Variants in NCLN observed in about 807,000 individuals in gnomAD.
The protein encoded by NCLN is BOS complex subunit NCLN.
Under a neutral mutation model 69.5 loss-of-function variants are expected in NCLN, and 34 were observed. The ratio of observed to expected loss-of-function variants is 0.49; its 90% CI spans 0.37 to 0.65. NCLN has a LOEUF of 0.65. Among genes scored for constraint, NCLN ranks in the 30% least tolerant of loss-of-function variants. The probability of loss-of-function intolerance (pLI) is 0.00; values close to 1 mark genes in which losing one functional copy is unlikely to be tolerated. For missense variants in NCLN, 710 were observed against 804.8 expected (o/e 0.88, Z 1.42); for synonymous variants, 393 against 358.3 (o/e 1.10, Z -1.09).
Position 3,205,815 on chromosome 19 carries a change from T to G in NCLN, c.1209-124T>G. 1.1e-6 allele frequency: 1 copy of G among 906,390 alleles called. No individual in the cohort carries two copies. Among genetic ancestry groups the G allele is most frequent in the Non-Finnish European group, 1.7e-6 (1 of 583,718 alleles). The allele number at this position is 906,390 out of a possible 1,614,324, so 56.1% of individuals were successfully genotyped here. ...CAAGTAGTTAAAGCTAAGCTTAATT[T>G]TTTTTTTTTTTTAAAGACAGAGTCT... On this transcript the variant is annotated intron_variant, in intron 9 of 14. Transcript: ENST00000246117. The surrounding 1 kb of genome is among the most constrained non-coding windows in gnomAD (Gnocchi z 4.6).
Position 3,205,676 on chromosome 19 carries a change from G to A in NCLN, c.1209-263G>A, listed in dbSNP as rs56661554. ...TTAAATTCTGGAAGAGCAGAAAACC[G>A]AGTCAGAAGGAACCAAGGCCTCAGG... On this transcript the variant is annotated intron_variant, in intron 9 of 14. Coordinates refer to ENST00000246117, the MANE Select transcript of NCLN (RefSeq NM_020170.4). This position sits in a 1 kb window ranked among gnomAD's most constrained non-coding sequence, Gnocchi z 4.6. Among the ~76,000 whole-genome samples the A allele has an allele frequency of 9.8e-5, 15 of 152,342 alleles. No homozygotes were observed. The highest frequency in any genetic ancestry group is 1.9e-4 in the East Asian group (1 of 5,188).
At chr19:3,201,463 G>T in intron 5 of NCLN, 60 bp from the exon 6 acceptor site, 1 of 1,263,498 alleles carries the variant, frequency 7.9e-7, no homozygotes, top group Non-Finnish European at 1.1e-6. Context: ...GTGGGCGGAG[G>T]TCATGGGGTG....
rs955488584 is a variant in NCLN, at chr19:3,207,172, C to T, written c.1500-26C>T. On this transcript the variant is annotated intron_variant, in intron 12 of 14. Coordinates refer to ENST00000246117, the MANE Select transcript of NCLN (RefSeq NM_020170.4). Reference sequence around the variant, plus strand: ...AAGAATTAGCTGGGCGCAGTGGTGCCCCCTGAGAAAGTGCTCTCTCCCCAG... The same window carrying T: ...AAGAATTAGCTGGGCGCAGTGGTGCTCCCTGAGAAAGTGCTCTCTCCCCAG... 6 of 1,612,754 alleles carry T rather than the reference C, an allele frequency of 3.7e-6. No individual in the cohort carries two copies. In the African/African-American group the frequency reaches 6.7e-5, roughly 18 times the overall value.
intron 1 of NCLN, among the ~76,000 whole-genome samples, chr19:3,191,011 GGCGGGCAGCAGGGAGA>G (rs1405435457): frequency 9.6e-5 from 14 of 145,974 alleles, no homozygotes; most frequent in African/African-American, 3.3e-4. Context: ...CGCGGTGTGT[GGCGGGCAGCAGGGAGA>G]TCGTCGTGGT....
At chr19:3,196,756 A>G (rs1915969918) in intron 4 of NCLN, among the ~76,000 whole-genome samples, 1 of 152,232 alleles carries the variant, frequency 6.6e-6, no homozygotes, top group Non-Finnish European at 1.5e-5. Context: ...AGCCTCTCGG[A>G]TCATCAGGGC....
chr19:3,201,448 C>T, intron 5 of NCLN, 75 bp from the exon 6 acceptor site: 2 of 1,042,880 alleles, frequency 1.9e-6, no homozygotes, highest in South Asian at 2.9e-5. Flanking sequence ...ATGACTGTGG[C>T]TGCTGTGGGC....
At chr19:3,194,738 C>T (rs911811974) in intron 3 of NCLN, among the ~76,000 whole-genome samples, 3 of 140,444 alleles carry the variant, frequency 2.1e-5, no homozygotes, top group African/African-American at 5.3e-5. Context: ...AAAGAGGAGT[C>T]GTCTTCTTTT....
At chr19:3,186,515 C>T (rs1325635954) in intron 1 of NCLN, among the ~76,000 whole-genome samples, 3 of 152,206 alleles carry the variant, frequency 2.0e-5, no homozygotes, top group African/African-American at 4.8e-5. Context: ...CCTAAGTCCC[C>T]TCTCTCCTGT....
At chr19:3,201,690 AC>A in intron 6 of NCLN, 64 bp downstream of exon 6, 1 of 1,299,866 alleles carries the variant, frequency 7.7e-7, no homozygotes. Context: ...AGCGCTGCCC[AC>A]CAGGCACCTC....
chr19:3,208,640 G>A lies in NCLN; in HGVS notation c.*952G>A, dbSNP rs374992622. ...TGGTCCTCCCTGGGGAACTGGGTGC[G>A]GGTGGAGTACTGGGAGGCAGGAGGT... On this transcript the variant is annotated 3_prime_UTR_variant, in exon 15 of 15. Coordinates refer to ENST00000246117, the MANE Select transcript of NCLN (RefSeq NM_020170.4). The A allele has an allele frequency of 4.6e-5, 7 of 152,502 alleles. No homozygotes were observed. The highest frequency in any genetic ancestry group is 2.6e-4 in the Admixed American group (4 of 15,296). 9.4% of individuals were successfully genotyped at this position (152,502 alleles called of 1,614,324 possible).
At chr19:3,206,849 T>G (rs1350493621) in intron 12 of NCLN, among the ~76,000 whole-genome samples, 1 of 151,970 alleles carries the variant, frequency 6.6e-6, no homozygotes, top group African/African-American at 2.4e-5. Context: ...TGAGATGGAG[T>G]CTTCCTCTGT....
In NCLN at chr19:3,205,836, A is replaced by G; in HGVS notation, c.1209-103A>G. 1 of 948,420 alleles carries G rather than the reference A, an allele frequency of 1.1e-6. No homozygotes were observed. Among genetic ancestry groups the G allele is most frequent in the Non-Finnish European group, 1.6e-6 (1 of 611,312 alleles). 58.8% of individuals were successfully genotyped at this position (948,420 alleles called of 1,614,324 possible). ...AATTTTTTTTTTTTTTTAAAGACAG[A>G]GTCTCACGGTCTCCTAGGCTGGAGT... On this transcript the variant is annotated intron_variant, in intron 9 of 14. Coordinates refer to ENST00000246117, the MANE Select transcript of NCLN (RefSeq NM_020170.4). This position sits in a 1 kb window ranked among gnomAD's most constrained non-coding sequence, Gnocchi z 4.6.
intron 5 of NCLN, among the ~76,000 whole-genome samples, chr19:3,200,333 A>C: frequency 1.2e-5 from 1 of 82,694 alleles, no homozygotes. Flanking sequence ...TTTTTTTGAG[A>C]CGGAGTCTCG....
At chr19:3,189,457 G>A (rs553627546) in intron 1 of NCLN, among the ~76,000 whole-genome samples, 3 of 152,358 alleles carry the variant, frequency 2.0e-5, no homozygotes, top group Non-Finnish European at 4.4e-5. Context: ...CTTCCACGCA[G>A]AAACAGCTGA....
chr19:3,202,797 T>C (rs1404640177), intron 6 of NCLN, among the ~76,000 whole-genome samples: 1 of 152,024 alleles, frequency 6.6e-6, no homozygotes, highest in Non-Finnish European at 1.5e-5. Flanking sequence ...AGCCCCCCAC[T>C]GATGCCTTTT....
chr19:3,204,794 T>C (rs750573000), intron 9 of NCLN, 43 bp downstream of exon 9: 1 of 1,393,198 alleles, frequency 7.2e-7, no homozygotes, highest in Non-Finnish European at 9.3e-7. Flanking sequence ...AGGGCTTTCC[T>C]GGGGGCTGAG....
chr19:3,207,035 G>C (rs530728656), intron 12 of NCLN, among the ~76,000 whole-genome samples, 163 bp from the exon 13 acceptor site: 12 of 152,106 alleles, frequency 7.9e-5, no homozygotes, highest in Admixed American at 7.2e-4. Context: ...TGTTGGCCAG[G>C]TTGGTCTTGA....
intron 14 of NCLN, 51 bp from the exon 15 acceptor site, chr19:3,207,578 C>G (rs764462494): frequency 1.2e-6 from 2 of 1,609,954 alleles, no homozygotes; most frequent in African/African-American, 1.3e-5. Context: ...GTCACATGAC[C>G]TGGGGCTCTG....
At position 3,193,576 on chromosome 19, in the gene NCLN, G is replaced by A. The variant is rs950512479; in HGVS notation, c.520+148G>A. ...TTAACAGTGGGGGTTCCTGGGCCCC[G>A]TGTGGACCTGCTACATCACCACCTC... is the stretch of plus-strand genomic sequence containing the variant. On this transcript the variant is annotated intron_variant, in intron 3 of 14. Coordinates refer to ENST00000246117, the MANE Select transcript of NCLN (RefSeq NM_020170.4). 221 of 969,032 alleles carry A rather than the reference G, an allele frequency of 2.3e-4. 1 individual carries two copies. In the East Asian group the frequency reaches 5.4e-3, roughly 23 times the overall value. 60.0% of individuals were successfully genotyped at this position (969,032 alleles called of 1,614,324 possible). A position where few individuals can be genotyped will look rare whatever the true frequency, so the allele number is the denominator to read the frequency against.
Sources: allele counts gnomAD v4.1 joint callset (sites outside exome capture counted in the v4.1 genomes callset), GRCh38; gene constraint gnomAD v4.1.1; non-coding constraint Gnocchi (gnomAD v3.1); transcripts MANE v1.5; gene names NCBI Gene and HGNC (gene_info 2026-07-23, HGNC 2026-07-21).